NSUN6: variants seen among roughly 807,000 people sequenced by gnomAD.
NSUN6 encodes tRNA (cytosine(72)-C(5))-methyltransferase NSUN6.
Under a neutral mutation model 58.0 loss-of-function variants are expected in NSUN6, and 64 were observed. The observed-to-expected ratio is 1.10, with a 90% CI of 0.90 to 1.36. NSUN6 has a LOEUF of 1.36. Among genes scored for constraint, NSUN6 ranks in the 40% most tolerant of loss-of-function variants. The probability of loss-of-function intolerance (pLI) is 0.00; values close to 1 mark genes in which losing one functional copy is unlikely to be tolerated. For missense variants in NSUN6, 701 were observed against 550.1 expected (o/e 1.27, Z -2.74); for synonymous variants, 231 against 193.9 (o/e 1.19, Z -1.59).
intron 8 of NSUN6, among the ~76,000 whole-genome samples, chr10:18,579,290 C>A (rs906722229): frequency 1.4e-4 from 21 of 152,122 alleles, no homozygotes; most frequent in African/African-American, 4.6e-4. Context: ...CCTGCCTCAG[C>A]CTCCTGAGTA....
At chr10:18,619,080 C>G (rs1000147003) in intron 3 of NSUN6, among the ~76,000 whole-genome samples, 1 of 152,118 alleles carries the variant, frequency 6.6e-6, no homozygotes, top group African/African-American at 2.4e-5. Context: ...GAGGGAAATC[C>G]AATCCTGCAG....
chr10:18,545,766 C>T lies in NSUN6; in HGVS notation c.*167G>A, dbSNP rs1047926994. 21 of 586,954 alleles carry T rather than the reference C, an allele frequency of 3.6e-5. No individual in the cohort carries two copies. The Admixed American group carries it at 7.2e-4, about 20-fold the overall frequency. The allele number at this position is 586,954 out of a possible 1,614,324, so 36.4% of individuals were successfully genotyped here. A position where few individuals can be genotyped will look rare whatever the true frequency, so the allele number is the denominator to read the frequency against. On this transcript the variant is annotated 3_prime_UTR_variant, in exon 11 of 11. Coordinates refer to ENST00000377304, the MANE Select transcript of NSUN6 (RefSeq NM_182543.5). ...AGAAAATATAATCTCATACCACCCC[C>T]TACTTCCTCTATGTCTCTGGATCCC...
chr10:18,568,315 C>T (rs114626359), intron 8 of NSUN6, among the ~76,000 whole-genome samples: 4,750 of 150,886 alleles, frequency 0.031, 252 homozygotes, highest in African/African-American at 0.11. Flanking sequence ...CATTCCATTC[C>T]GCATTCCATT....
upstream of NSUN6, chr10:18,651,661 C>A (rs2059710683): frequency 4.1e-6 from 4 of 985,980 alleles, no homozygotes; most frequent in Non-Finnish European, 4.8e-6. Flanking sequence ...GCGCCTGCGG[C>A]CCACCCCTCC....
At chr10:18,615,828 T>A (rs913233673) in intron 4 of NSUN6, among the ~76,000 whole-genome samples, 19 of 152,068 alleles carry the variant, frequency 1.2e-4, no homozygotes, top group Admixed American at 4.6e-4. Context: ...ATGTTCAGAG[T>A]CCAGGTTCTG....
At chr10:18,593,122 T>A (rs1564772516) in intron 7 of NSUN6, among the ~76,000 whole-genome samples, 1 of 152,134 alleles carries the variant, frequency 6.6e-6, no homozygotes, top group Non-Finnish European at 1.5e-5. Context: ...TCATCACTGG[T>A]CATTAGAGAA....
chr10:18,655,517 G>A (rs986471399), upstream of NSUN6, among the ~76,000 whole-genome samples: 14 of 152,158 alleles, frequency 9.2e-5, no homozygotes, highest in Non-Finnish European at 1.5e-4. Context: ...ATAGTGAAAC[G>A]TCATTTGTGA....
At chr10:18,618,784 G>C (rs2058502704) in intron 3 of NSUN6, among the ~76,000 whole-genome samples, 1 of 148,292 alleles carries the variant, frequency 6.7e-6, no homozygotes, top group African/African-American at 2.5e-5. Flanking sequence ...AATTTCCTAA[G>C]AGTCATCTCC....
rs112781337 is a variant in NSUN6, at chr10:18,577,615, G to C, written c.922+8334C>G. On this transcript the variant is annotated intron_variant, in intron 8 of 10. Coordinates refer to ENST00000377304, the MANE Select transcript of NSUN6 (RefSeq NM_182543.5). ...AAGACATGTTAAAGAAGTTTGAAGA[G>C]AAAGAGCTATAAGGAAAATGTGAGA... 2.1e-4 allele frequency among the ~76,000 whole-genome samples: 32 copies of C among 152,208 alleles called. 1 individual carries two copies. The highest frequency in any genetic ancestry group is 7.5e-4 in the African/African-American group (31 of 41,462).
intron 7 of NSUN6, among the ~76,000 whole-genome samples, chr10:18,591,606 C>G (rs2057379613): frequency 6.6e-6 from 1 of 152,078 alleles, no homozygotes; most frequent in Non-Finnish European, 1.5e-5. Flanking sequence ...CATAAACAAC[C>G]AATGACAAAA....
intron 6 of NSUN6, among the ~76,000 whole-genome samples, chr10:18,600,756 C>G (rs1564784373): frequency 6.6e-6 from 1 of 151,024 alleles, no homozygotes; most frequent in Admixed American, 6.6e-5. Context: ...GGTGAAACCC[C>G]ACCTCTACTA....
intron 3 of NSUN6, among the ~76,000 whole-genome samples, chr10:18,619,778 T>C (rs556461295): frequency 1.1e-3 from 174 of 152,326 alleles, no homozygotes; most frequent in African/African-American, 4.0e-3. Context: ...TCTGAAACTT[T>C]TGACTGTCAG....
intron 5 of NSUN6, among the ~76,000 whole-genome samples, chr10:18,611,816 C>G (rs2058249311): frequency 6.6e-6 from 1 of 152,050 alleles, no homozygotes. Context: ...AGTGATCCTC[C>G]TGCCTTAGCT....
At chr10:18,645,769 G>A (rs1488007722) in intron 2 of NSUN6, among the ~76,000 whole-genome samples, 3 of 152,154 alleles carry the variant, frequency 2.0e-5, no homozygotes, top group African/African-American at 7.2e-5. Flanking sequence ...GGGTTTTAGA[G>A]TATGATTAAC....
chr10:18,656,841 T>G (rs2059783124), upstream of NSUN6, among the ~76,000 whole-genome samples: 2 of 79,076 alleles, frequency 2.5e-5, no homozygotes, highest in Non-Finnish European at 5.6e-5. Context: ...TTTTTTTTTT[T>G]TGGTTCAGAC....
At chr10:18,626,373 CAAAACA>C in intron 3 of NSUN6, among the ~76,000 whole-genome samples, 1 of 152,030 alleles carries the variant, frequency 6.6e-6, no homozygotes, top group East Asian at 1.9e-4. Flanking sequence ...GACCCCATCT[CAAAACA>C]AAAATAAAAA....
intron 8 of NSUN6, among the ~76,000 whole-genome samples, chr10:18,563,789 C>T (rs1401794285): frequency 2.0e-5 from 3 of 150,044 alleles, no homozygotes; most frequent in Non-Finnish European, 4.5e-5. Context: ...TTCCATTCTC[C>T]ATTCCATTCC....
chr10:18,610,223 C>T (rs1228029749), intron 5 of NSUN6, among the ~76,000 whole-genome samples: 1 of 152,004 alleles, frequency 6.6e-6, no homozygotes, highest in Non-Finnish European at 1.5e-5. Flanking sequence ...AGGTGAGGAG[C>T]TGTAATCCCA....
chr10:18,572,917 C>T (rs2056452889), intron 8 of NSUN6, among the ~76,000 whole-genome samples: 1 of 150,744 alleles, frequency 6.6e-6, no homozygotes, highest in South Asian at 2.1e-4. Flanking sequence ...CATTCCATTC[C>T]ATCCTCCATT....
Sources: gnomAD v4.1 joint callset for allele counts (sites outside exome capture counted in the v4.1 genomes callset) on GRCh38, gnomAD v4.1.1 for gene constraint, MANE v1.5 for transcripts, NCBI Gene and HGNC (gene_info 2026-07-23, HGNC 2026-07-21) for gene names.